GPR174: variants seen among roughly 807,000 people sequenced by gnomAD.
GPR174 encodes the protein G protein-coupled receptor 174.
Under a neutral mutation model 16.5 loss-of-function variants are expected in GPR174, and 8 were observed. The ratio of observed to expected loss-of-function variants is 0.48; its 90% CI spans 0.28 to 0.87. The LOEUF (loss-of-function observed/expected upper bound fraction) is 0.87. Ranked by LOEUF, GPR174 falls within the 40% of genes least tolerant of loss-of-function variation. The pLI, the probability that GPR174 is intolerant of heterozygous loss-of-function variation, is 0.09. For synonymous variants in GPR174, 111 were observed against 94.8 expected (o/e 1.17, Z -0.99); for missense variants, 214 against 247.5 (o/e 0.86, Z 0.91).
Position 79,144,867 on chromosome X carries a change from C to G in GPR174, c.-1004C>G, listed in dbSNP as rs1602333138. ...TACTTTTATTTATTTTCTTCCCTCC[C>G]TCCTTCTCTCCTGTATTCATTCCTT... is the stretch of plus-strand genomic sequence containing the variant. On this transcript the variant is annotated 5_prime_UTR_variant, in exon 1 of 3. Transcript: ENST00000645147. The G allele has an allele frequency of 1.9e-5, 2 of 106,999 alleles. No individual in the cohort carries two copies. Among genetic ancestry groups the G allele is most frequent in the East Asian group, 2.9e-4 (1 of 3,434 alleles). The allele number at this position is 106,999 out of a possible 1,213,427, so 8.8% of individuals were successfully genotyped here. A position where few individuals can be genotyped will look rare whatever the true frequency, so the allele number is the denominator to read the frequency against.
At chrX:79,145,458 A>G (rs1011540008) in intron 1 of GPR174, among the ~76,000 whole-genome samples, 2 of 111,734 alleles carry the variant, frequency 1.8e-5, no homozygotes, top group Non-Finnish European at 3.8e-5. Flanking sequence ...TATAAGTTTG[A>G]CATGGAGAGA....
At chrX:79,164,309 A>G (rs1267320538) in intron 2 of GPR174, among the ~76,000 whole-genome samples, 1 of 111,597 alleles carries the variant, frequency 9.0e-6, no homozygotes, top group Non-Finnish European at 1.9e-5. Context: ...AGTAGCTTAC[A>G]AAAGAAAAAG....
intron 1 of GPR174, among the ~76,000 whole-genome samples, chrX:79,152,715 G>A (rs1716009946): frequency 9.0e-6 from 1 of 111,335 alleles, no homozygotes; most frequent in African/African-American, 3.3e-5. Flanking sequence ...GTTCCTTTGG[G>A]GCTGACTAGA....
chrX:79,148,504 A>G (rs1239743643), intron 1 of GPR174, among the ~76,000 whole-genome samples: 1 of 111,644 alleles, frequency 9.0e-6, no homozygotes, highest in Non-Finnish European at 1.9e-5. Context: ...ACATGTTACC[A>G]GATATTTCTT....
chrX:79,161,655 C>T (rs1921236558), intron 2 of GPR174, among the ~76,000 whole-genome samples: 1 of 111,347 alleles, frequency 9.0e-6, no homozygotes, highest in African/African-American at 3.3e-5. Context: ...AACAATTAGC[C>T]CATGGCACAA....
intron 2 of GPR174, among the ~76,000 whole-genome samples, chrX:79,160,455 A>G (rs1265855664): frequency 8.9e-6 from 1 of 112,059 alleles, no homozygotes; most frequent in African/African-American, 3.2e-5. Flanking sequence ...ATTTAAATAA[A>G]ATATCACTGT....
chrX:79,153,447 T>G (rs942079534), intron 1 of GPR174, among the ~76,000 whole-genome samples: 2 of 112,020 alleles, frequency 1.8e-5, no homozygotes, highest in Admixed American at 1.9e-4. Context: ...CTTATTTTAG[T>G]CACTTTCTTC....
chrX:79,145,569 G>A (rs796735849), intron 1 of GPR174, among the ~76,000 whole-genome samples: 3 of 111,435 alleles, frequency 2.7e-5, no homozygotes, highest in South Asian at 3.7e-4. Flanking sequence ...CTTACATAAA[G>A]GTGCAGGATA....
At chrX:79,146,831 A>G (rs767183942) in intron 1 of GPR174, among the ~76,000 whole-genome samples, 3 of 111,570 alleles carry the variant, frequency 2.7e-5, no homozygotes, top group African/African-American at 6.5e-5. Flanking sequence ...AAGGAAGAGG[A>G]CAAAGAAACA....
chrX:79,157,758 A>G (rs1921132837), intron 2 of GPR174, among the ~76,000 whole-genome samples: 1 of 111,227 alleles, frequency 9.0e-6, no homozygotes, highest in South Asian at 3.8e-4. Flanking sequence ...TTTACTTTTT[A>G]GTTCTTTGTC....
chrX:79,146,023 T>A (rs1221744993), intron 1 of GPR174, among the ~76,000 whole-genome samples: 2 of 112,056 alleles, frequency 1.8e-5, no homozygotes, highest in Non-Finnish European at 3.8e-5. Context: ...AAAATGTAAG[T>A]GAAATTATTT....
At chrX:79,147,527 G>A (rs1308550355) in intron 1 of GPR174, among the ~76,000 whole-genome samples, 3 of 92,125 alleles carry the variant, frequency 3.3e-5, no homozygotes, top group Non-Finnish European at 6.6e-5. Context: ...AAAACCCAAA[G>A]TGCAAACTGA....
At chrX:79,163,329 G>A (rs781215081) in intron 2 of GPR174, among the ~76,000 whole-genome samples, 212 of 112,116 alleles carry the variant, frequency 1.9e-3, no homozygotes, top group African/African-American at 6.7e-3. Context: ...ATACTGCTGA[G>A]TGTTACTGAT....
At chrX:79,155,313 A>T (rs1401493050) in intron 1 of GPR174, among the ~76,000 whole-genome samples, 2 of 111,158 alleles carry the variant, frequency 1.8e-5, no homozygotes, top group African/African-American at 6.5e-5. Context: ...GCTGCTTTGG[A>T]TTCTTGGGCC....
chrX:79,164,080 G>T (rs915753564), intron 2 of GPR174, among the ~76,000 whole-genome samples: 1 of 111,225 alleles, frequency 9.0e-6, no homozygotes, highest in Non-Finnish European at 1.9e-5. Flanking sequence ...CATACTTGGG[G>T]CATCCTTATT....
intron 2 of GPR174, among the ~76,000 whole-genome samples, chrX:79,162,593 A>T: frequency 8.9e-6 from 1 of 112,286 alleles, no homozygotes; most frequent in East Asian, 2.8e-4. Flanking sequence ...TAAAATAATG[A>T]TTCTGTAAAC....
intron 2 of GPR174, among the ~76,000 whole-genome samples, chrX:79,158,165 G>C (rs1454672836): frequency 2.0e-5 from 2 of 100,503 alleles, no homozygotes; most frequent in Non-Finnish European, 4.1e-5. Context: ...CACCCCATTT[G>C]TTTTCTTTTC....
intron 2 of GPR174, among the ~76,000 whole-genome samples, chrX:79,165,103 T>G (rs1056071848): frequency 1.8e-5 from 2 of 111,140 alleles, no homozygotes; most frequent in African/African-American, 6.5e-5. Context: ...ATTTAAATTT[T>G]TAAATTTTAA....
At position 79,167,528 on chromosome X, in the gene GPR174, A is replaced by G. The variant is rs183572558; in HGVS notation, c.-556-2924A>G. Among the ~76,000 whole-genome samples the G allele has an allele frequency of 5.4e-5, 6 of 110,678 alleles. No individual in the cohort carries two copies. In the Admixed American group the frequency reaches 5.7e-4, roughly 11 times the overall value. On this transcript the variant is annotated intron_variant, in intron 2 of 2. Coordinates refer to ENST00000645147, the MANE Select transcript of GPR174 (RefSeq NM_032553.3). ...AGTAGCTAAAGGTCTTGTTAATTTC[A>G]GTACAGGTTGAATAGCCCGTGAGGT...
Sources: gnomAD v4.1 joint callset for allele counts (sites outside exome capture counted in the v4.1 genomes callset) on GRCh38, gnomAD v4.1.1 for gene constraint, MANE v1.5 for transcripts, NCBI Gene and HGNC (gene_info 2026-07-23, HGNC 2026-07-21) for gene names.